Variants in FARP1 observed in about 807,000 individuals in gnomAD.
FARP1 encodes FERM, ARH/RhoGEF and pleckstrin domain protein 1.
Under a neutral mutation model 128.8 loss-of-function variants are expected in FARP1, and 52 were observed. The ratio of observed to expected loss-of-function variants is 0.40; its 90% CI spans 0.32 to 0.51. The LOEUF (loss-of-function observed/expected upper bound fraction) is 0.51, where lower values mean the gene tolerates loss of function less well. FARP1 is among the 20% of genes least tolerant of loss of function. FARP1 has a pLI of 0.45. For synonymous variants in FARP1, 580 were observed against 551.8 expected (o/e 1.05, Z -0.72); for missense variants, 1,333 against 1,367.9 (o/e 0.97, Z 0.40).
rs548782370 is a variant in FARP1 at position 98,390,940 on chromosome 13, T to A, written c.1088+60T>A. The stretch of plus-strand genomic sequence containing the variant: ...AAGGCTCAGACTCGCCAGGTAACAG[T>A]TTGTTGCTGCTAAATATTTCTTTAC... On this transcript the variant is annotated intron_variant, in intron 11 of 26. Transcript: ENST00000319562. 5 of 1,132,694 alleles carry A rather than the reference T, an allele frequency of 4.4e-6. No homozygotes were observed. The African/African-American group carries it at 6.1e-5, about 14-fold the overall frequency. The allele number at this position is 1,132,694 out of a possible 1,614,324, so 70.2% of individuals were successfully genotyped here.
chr13:98,180,641 C>T (rs4771295), intron 1 of FARP1, among the ~76,000 whole-genome samples: 76,637 of 151,972 alleles, frequency 0.5, 19,712 homozygotes, highest in East Asian at 0.73. Context: ...GATTTTTCAG[C>T]TCACTTTATT....
At chr13:98,359,406 T>C (rs1243883585) in intron 3 of FARP1, among the ~76,000 whole-genome samples, 1 of 152,230 alleles carries the variant, frequency 6.6e-6, no homozygotes, top group Non-Finnish European at 1.5e-5. Flanking sequence ...AACATTCCAG[T>C]TGCTTATGAA....
intron 2 of FARP1, among the ~76,000 whole-genome samples, chr13:98,341,674 CTG>C (rs896085316): frequency 5.9e-5 from 9 of 152,090 alleles, no homozygotes; most frequent in Non-Finnish European, 8.8e-5. Context: ...AAATAAGTAA[CTG>C]TGAATGGCAA....
chr13:98,276,846 T>G (rs1313684351), intron 2 of FARP1, among the ~76,000 whole-genome samples: 2 of 152,086 alleles, frequency 1.3e-5, no homozygotes, highest in African/African-American at 4.8e-5. Flanking sequence ...CCACCCACAC[T>G]GGGTGTGTGA....
chr13:98,436,284 G>A (rs145776224), intron 19 of FARP1, among the ~76,000 whole-genome samples: 1 of 152,116 alleles, frequency 6.6e-6, no homozygotes, highest in East Asian at 1.9e-4. Flanking sequence ...TACTCAACAG[G>A]GCTTCCCGCA....
intron 1 of FARP1, among the ~76,000 whole-genome samples, chr13:98,144,926 T>G (rs1003341183): frequency 6.6e-6 from 1 of 152,200 alleles, no homozygotes; most frequent in African/African-American, 2.4e-5. Flanking sequence ...TTTCTGACAG[T>G]GTGCTTCATA....
intron 2 of FARP1, chr13:98,332,504 A>G (rs1458033881): frequency 2.0e-5 from 3 of 152,352 alleles, no homozygotes; most frequent in African/African-American, 7.2e-5. Flanking sequence ...CATTTTAAAA[A>G]AAGAATGAAA....
rs530265103 is a variant in FARP1 at position 98,245,205 on chromosome 13, G to A, written c.171+31792G>A. 42 of 985,636 alleles carry A rather than the reference G, an allele frequency of 4.3e-5. No individual in the cohort carries two copies. In the African/African-American group the frequency reaches 7.1e-4, roughly 17 times the overall value. 61.1% of individuals were successfully genotyped at this position (985,636 alleles called of 1,614,324 possible). A position where few individuals can be genotyped will look rare whatever the true frequency, so the allele number is the denominator to read the frequency against. On this transcript the variant is annotated intron_variant, in intron 2 of 26. Coordinates refer to ENST00000319562, the MANE Select transcript of FARP1 (RefSeq NM_005766.4). ...CTCATTTACCATATTACTGTGTTCT[G>A]AGAAATCTACAGTAATTTTTGTGTA... is the stretch of plus-strand genomic sequence containing the variant.
At position 98,453,142 on chromosome 13, in the gene FARP1, GA is replaced by G. The variant is rs1330780610; in HGVS notation, c.*4830del. 3 of 1,612,982 alleles carry G rather than the reference GA, an allele frequency of 1.9e-6. No individual in the cohort carries two copies. Among genetic ancestry groups the G allele is most frequent in the Non-Finnish European group, 2.5e-6 (3 of 1,179,426 alleles). ...GGAGGAGGATGAAGAAGGAAAAAAG[GA>G]AAAACAAAACCCCAAATGCCAAAGG... On this transcript the variant is annotated 3_prime_UTR_variant, in exon 27 of 27. Transcript: ENST00000319562.
intron 13 of FARP1, chr13:98,400,601 T>A (rs1890723249): frequency 6.6e-6 from 1 of 152,260 alleles, no homozygotes; most frequent in African/African-American, 2.4e-5. Context: ...CAGGTTTATG[T>A]TGGTTTTATT....
At position 98,159,293 on chromosome 13, in the gene FARP1, C is replaced by T. The variant is rs760569293; in HGVS notation, c.-24+15801C>T. Among the ~76,000 whole-genome samples, 18 of 152,228 alleles carry T rather than the reference C, an allele frequency of 1.2e-4. No individual in the cohort carries two copies. In the South Asian group the frequency reaches 2.5e-3, roughly 21 times the overall value. On this transcript the variant is annotated intron_variant, in intron 1 of 26. Transcript: ENST00000319562. ...ACAGGAAGCTGAGGCTTAGACTATA[C>T]GGTATTATGCCCAATGTCACACAGC...
intron 13 of FARP1, chr13:98,400,145 T>C (rs1172852423): frequency 6.6e-6 from 1 of 152,218 alleles, no homozygotes; most frequent in Non-Finnish European, 1.5e-5. Context: ...CTCAAGAACT[T>C]ATTTGAAGAT....
chr13:98,256,959 AT>A (rs1883638691), intron 2 of FARP1, among the ~76,000 whole-genome samples: 1 of 106,534 alleles, frequency 9.4e-6, no homozygotes, highest in Non-Finnish European at 1.8e-5. Flanking sequence ...ATATATATAT[AT>A]ATATATATAT....
At chr13:98,407,433 C>G (rs1891025943) in intron 13 of FARP1, 1 of 151,994 alleles carries the variant, frequency 6.6e-6, no homozygotes, top group Non-Finnish European at 1.5e-5. Context: ...CGTTCCACTT[C>G]CTTTGCAATT....
intron 1 of FARP1, among the ~76,000 whole-genome samples, chr13:98,200,387 ACC>A (rs34861204): frequency 0.39 from 49,429 of 127,880 alleles, 10,358 homozygotes; most frequent in Non-Finnish European, 0.46. Flanking sequence ...TGCAACCTTC[ACC>A]CCCCCCCCCT....
At chr13:98,418,046 T>C (rs1455313337) in intron 16 of FARP1, among the ~76,000 whole-genome samples, 1 of 152,110 alleles carries the variant, frequency 6.6e-6, no homozygotes, top group Non-Finnish European at 1.5e-5. Context: ...TTTTATTTAT[T>C]TATGTTTTTA....
intron 1 of FARP1, among the ~76,000 whole-genome samples, chr13:98,163,782 C>T (rs1235220019): frequency 2.0e-5 from 3 of 151,534 alleles, no homozygotes; most frequent in African/African-American, 7.3e-5. Flanking sequence ...GATCTCAGCT[C>T]ACTGCAACCT....
chr13:98,439,071 C>G, intron 20 of FARP1, 36 bp from the exon 21 acceptor site: 1 of 1,556,824 alleles, frequency 6.4e-7, no homozygotes, highest in African/African-American at 1.4e-5. Context: ...GCTGTCCAAA[C>G]GTGGTCTCAC....
At chr13:98,396,351 C>T (rs897156855) in intron 13 of FARP1, 1 of 399,144 alleles carries the variant, frequency 2.5e-6, no homozygotes, top group South Asian at 1.3e-4. Flanking sequence ...TGCTGATCCC[C>T]GGGAGTCAGC....
Sources: allele counts gnomAD v4.1 joint callset (sites outside exome capture counted in the v4.1 genomes callset), GRCh38; gene constraint gnomAD v4.1.1; transcripts MANE v1.5; gene names NCBI Gene and HGNC (gene_info 2026-07-23, HGNC 2026-07-21).